The following TTC27 variants were observed in gnomAD, a reference collection of about 807,000 sequenced individuals.
The protein encoded by TTC27 is tetratricopeptide repeat domain 27.
TTC27 carries 79 observed loss-of-function variants against 115.9 expected under a neutral mutation model. The observed-to-expected ratio is 0.68, with a 90% CI of 0.57 to 0.82. The LOEUF (loss-of-function observed/expected upper bound fraction) is 0.82. TTC27 is among the 40% of genes least tolerant of loss of function. The pLI is 0.00. For synonymous variants in TTC27, 401 were observed against 356.0 expected, an observed-to-expected ratio of 1.13 and a Z score of -1.42; for missense variants, 1,054 against 993.1, an observed-to-expected ratio of 1.06 and a Z score of -0.82.
rs949205535 is a variant in TTC27 at position 32,806,957 on chromosome 2, G to C, written c.1999-4067G>C. 5.3e-5 allele frequency among the ~76,000 whole-genome samples: 8 copies of C among 152,194 alleles called. No homozygotes were observed. In the South Asian group the frequency reaches 6.2e-4, roughly 12 times the overall value. On this transcript the variant is annotated intron_variant, in intron 16 of 19. Coordinates refer to ENST00000317907, the MANE Select transcript of TTC27 (RefSeq NM_017735.5). ...TGAAATGTAGTGTACATACAGAAAA[G>C]TATGCAAATCATAAGTAAACATAAG...
chr2:32,646,149 C>T (rs1427646892), intron 4 of TTC27, among the ~76,000 whole-genome samples: 1 of 152,116 alleles, frequency 6.6e-6, no homozygotes, highest in South Asian at 2.1e-4. Context: ...CTGCCTCAGC[C>T]TCCCGAGGAG....
chr2:32,817,926 G>A (rs1209698135), intron 19 of TTC27, among the ~76,000 whole-genome samples: 20 of 152,024 alleles, frequency 1.3e-4, no homozygotes, highest in Admixed American at 1.2e-3. Flanking sequence ...GCATGGTTGC[G>A]GGTGTCTGTA....
intron 5 of TTC27, among the ~76,000 whole-genome samples, chr2:32,663,738 G>T (rs1665649732): frequency 6.6e-6 from 1 of 152,128 alleles, no homozygotes; most frequent in South Asian, 2.1e-4. Flanking sequence ...AGGCTGGAGT[G>T]CAGTGGTGCG....
chr2:32,745,247 A>G (rs1176721595), intron 12 of TTC27, among the ~76,000 whole-genome samples: 2 of 152,162 alleles, frequency 1.3e-5, no homozygotes, highest in African/African-American at 4.8e-5. Flanking sequence ...TGAAAATTCT[A>G]GTAGACTTCG....
In TTC27 at chr2:32,719,511, T is replaced by G. The variant is rs1667856240; in HGVS notation, c.1234-14317T>G. Among the ~76,000 whole-genome samples the G allele has an allele frequency of 2.0e-5, 3 of 152,316 alleles. No homozygotes were observed. In the South Asian group the frequency reaches 6.2e-4, roughly 32 times the overall value. On this transcript the variant is annotated intron_variant, in intron 10 of 19. Coordinates refer to ENST00000317907, the MANE Select transcript of TTC27 (RefSeq NM_017735.5). ...TCAGGTCAAAGCAGCTCATCAGAAT[T>G]GCCTTCTGCATGTGGTCATAAAGAA...
In TTC27 at chr2:32,774,767, A is replaced by G. The variant is rs144542469; in HGVS notation, c.1681-3115A>G. Among the ~76,000 whole-genome samples the G allele has an allele frequency of 7.2e-5, 11 of 152,330 alleles. No homozygotes were observed. In the East Asian group the frequency reaches 2.1e-3, roughly 29 times the overall value. ...ACCAAATATTGTCTGTAGTCCCCCA[A>G]ATTCTGAAGACCTCAAAAAAGAAAA... On this transcript the variant is annotated intron_variant, in intron 13 of 19. Transcript: ENST00000317907.
chr2:32,629,643 G>T (rs1228785144), intron 1 of TTC27, among the ~76,000 whole-genome samples: 2 of 148,344 alleles, frequency 1.3e-5, no homozygotes, highest in Non-Finnish European at 3.0e-5. Context: ...GTTTCACCGT[G>T]TTAGCCAGGA....
intron 4 of TTC27, among the ~76,000 whole-genome samples, chr2:32,648,004 T>C (rs1664930328): frequency 6.6e-6 from 1 of 152,214 alleles, no homozygotes; most frequent in Admixed American, 6.5e-5. Flanking sequence ...TGTACACATG[T>C]ACATATACAC....
intron 16 of TTC27, among the ~76,000 whole-genome samples, chr2:32,803,092 A>G (rs1294634663): frequency 5.9e-5 from 9 of 152,038 alleles, no homozygotes; most frequent in Non-Finnish European, 1.2e-4. Context: ...CCACAGGGGG[A>G]GCTCACCCAT....
intron 11 of TTC27, among the ~76,000 whole-genome samples, chr2:32,736,433 C>T (rs1009319194): frequency 2.0e-5 from 3 of 151,926 alleles, no homozygotes; most frequent in Non-Finnish European, 4.4e-5. Flanking sequence ...TTTTTAAGTT[C>T]TTAGAGAAAA....
chr2:32,630,957 TG>T (rs1184019895), intron 2 of TTC27, among the ~76,000 whole-genome samples: 2 of 152,188 alleles, frequency 1.3e-5, no homozygotes, highest in East Asian at 3.9e-4. Context: ...TGCTTAGGTC[TG>T]GTCGGCTTTA....
intron 3 of TTC27, among the ~76,000 whole-genome samples, chr2:32,638,575 C>T (rs1664516026): frequency 6.6e-6 from 1 of 151,874 alleles, no homozygotes; most frequent in Non-Finnish European, 1.5e-5. Context: ...GATGGGGTTT[C>T]ACCATGTTGG....
At chr2:32,639,165 G>A (rs769697151) in intron 3 of TTC27, among the ~76,000 whole-genome samples, 1 of 152,144 alleles carries the variant, frequency 6.6e-6, no homozygotes, top group Non-Finnish European at 1.5e-5. Context: ...TGAAACTGAG[G>A]CTTCATCAGG....
At chr2:32,642,610 C>T (rs1664694079) in intron 4 of TTC27, among the ~76,000 whole-genome samples, 1 of 151,964 alleles carries the variant, frequency 6.6e-6, no homozygotes, top group African/African-American at 2.4e-5. Flanking sequence ...TTGCAACTCT[C>T]ATGAGAGCCA....
At chr2:32,816,963 C>A (rs1052250436) in intron 18 of TTC27, among the ~76,000 whole-genome samples, 1 of 152,096 alleles carries the variant, frequency 6.6e-6, no homozygotes, top group Non-Finnish European at 1.5e-5. Context: ...TTTTATTTGT[C>A]TATGCACATG....
At chr2:32,810,311 T>C (rs1193281295) in intron 16 of TTC27, among the ~76,000 whole-genome samples, 3 of 152,134 alleles carry the variant, frequency 2.0e-5, no homozygotes, top group Admixed American at 2.0e-4. Flanking sequence ...TGAACTTAGG[T>C]AGGAGAAGCT....
At chr2:32,696,612 C>A (rs1276888812) in intron 9 of TTC27, among the ~76,000 whole-genome samples, 1 of 152,090 alleles carries the variant, frequency 6.6e-6, no homozygotes, top group Non-Finnish European at 1.5e-5. Flanking sequence ...ATTTTATGAT[C>A]CATTCCTTCA....
At chr2:32,633,484 C>G (rs919768296) in intron 2 of TTC27, among the ~76,000 whole-genome samples, 3 of 151,900 alleles carry the variant, frequency 2.0e-5, no homozygotes, top group African/African-American at 4.8e-5. Flanking sequence ...ATGATCAAAG[C>G]TTACTACAGC....
intron 4 of TTC27, among the ~76,000 whole-genome samples, chr2:32,642,397 G>A (rs561858031): frequency 9.3e-5 from 14 of 151,076 alleles, no homozygotes; most frequent in Non-Finnish European, 1.5e-4. Context: ...GATTACAGGC[G>A]CCCACCACCA....
Sources: gnomAD v4.1 joint callset for allele counts (sites outside exome capture counted in the v4.1 genomes callset) on GRCh38, gnomAD v4.1.1 for gene constraint, MANE v1.5 for transcripts, NCBI Gene and HGNC (gene_info 2026-07-23, HGNC 2026-07-21) for gene names.